The following WNK2 variants were observed in gnomAD, a reference collection of about 807,000 sequenced individuals.
The protein encoded by WNK2 is WNK lysine deficient protein kinase 2, also known as serine/threonine-protein kinase WNK2.
A neutral mutation model predicts 192.1 loss-of-function variants in WNK2; 67 were observed. That is an observed-to-expected ratio of 0.35 (90% CI 0.29 to 0.43). WNK2 has a LOEUF of 0.43. WNK2 is among the 20% of genes least tolerant of loss of function. The pLI is 1.00. For missense variants in WNK2, 2,698 were observed against 3,089.7 expected, an observed-to-expected ratio of 0.87 and a Z score of 3.01; for synonymous variants, 1,439 against 1,393.9, an observed-to-expected ratio of 1.03 and a Z score of -0.72.
chr9:93,233,563 C>T (rs376451921), intron 4 of WNK2, among the ~76,000 whole-genome samples: 1 of 151,250 alleles, frequency 6.6e-6, no homozygotes, highest in Non-Finnish European at 1.5e-5. Flanking sequence ...CCAGGCATGG[C>T]GGCAGACGCC....
At chr9:93,301,274 C>T (rs1032619687) in intron 26 of WNK2, among the ~76,000 whole-genome samples, 3 of 152,208 alleles carry the variant, frequency 2.0e-5, no homozygotes, top group African/African-American at 4.8e-5. Context: ...GTTTGGGGCA[C>T]GTGACTTTTT....
intron 9 of WNK2, among the ~76,000 whole-genome samples, chr9:93,255,557 T>G (rs1177368176): frequency 6.6e-6 from 1 of 152,154 alleles, no homozygotes; most frequent in Middle Eastern, 3.2e-3. Context: ...AGGGCAGTTT[T>G]GGGCATGCCA....
At chr9:93,296,169 A>T (rs1001061501) in intron 23 of WNK2, among the ~76,000 whole-genome samples, 4 of 15,226 alleles carry the variant, frequency 2.6e-4, no homozygotes, top group Non-Finnish European at 3.6e-4. Context: ...CCCTCCCCTC[A>T]CCATCCTCCC....
At chr9:93,262,244 C>A in intron 13 of WNK2, 137 bp downstream of exon 13, 1 of 1,070,332 alleles carries the variant, frequency 9.3e-7, no homozygotes, top group Non-Finnish European at 1.3e-6. Flanking sequence ...CTGTTCTCAC[C>A]TCTCCCTAGA....
intron 19 of WNK2, among the ~76,000 whole-genome samples, chr9:93,269,827 CT>C (rs1845772001): frequency 6.6e-6 from 1 of 152,000 alleles, no homozygotes; most frequent in Non-Finnish European, 1.5e-5. Context: ...TTGAGCTGGT[CT>C]TTTTTCTATT....
At chr9:93,319,522 C>T (rs1564257208) in intron 29 of WNK2, 1 of 590,008 alleles carries the variant, frequency 1.7e-6, no homozygotes, top group East Asian at 1.4e-4. Flanking sequence ...TTACACTTAG[C>T]AGTGCCACGG....
chr9:93,226,996 A>T (rs1485809020), intron 2 of WNK2, among the ~76,000 whole-genome samples: 1 of 152,080 alleles, frequency 6.6e-6, no homozygotes, highest in East Asian at 1.9e-4. Context: ...GTGGCTGGAC[A>T]CAGAGCAGGT....
At chr9:93,308,959 G>T in intron 28 of WNK2, 1 of 1,079,224 alleles carries the variant, frequency 9.3e-7, no homozygotes, top group Non-Finnish European at 1.1e-6. Context: ...CCAGGCTGGA[G>T]ACCAGGGCAG....
At chr9:93,318,029 T>G (rs1588680158) in intron 29 of WNK2, 1 of 1,612,662 alleles carries the variant, frequency 6.2e-7, no homozygotes. Flanking sequence ...CGCTCCTAGG[T>G]TCCTGTGGTC....
chr9:93,260,916 T>C (rs865936863), intron 12 of WNK2, among the ~76,000 whole-genome samples: 20 of 152,192 alleles, frequency 1.3e-4, no homozygotes, highest in African/African-American at 4.6e-4. Context: ...GAAGAGCCTT[T>C]CTGGGCACAG....
chr9:93,262,199 C>A (rs993835943), intron 13 of WNK2, 92 bp downstream of exon 13: 1 of 1,440,116 alleles, frequency 6.9e-7, no homozygotes, highest in South Asian at 1.5e-5. Context: ...TCCTAGAGGT[C>A]GGGGTTGCTT....
chr9:93,244,085 C>A (rs1005015094), intron 7 of WNK2, among the ~76,000 whole-genome samples: 3 of 152,182 alleles, frequency 2.0e-5, no homozygotes, highest in Admixed American at 6.5e-5. Context: ...CAGAGCGAGA[C>A]CCTGTCTCAA....
At chr9:93,313,423 T>A (rs1392342574) in intron 28 of WNK2, among the ~76,000 whole-genome samples, 1 of 152,026 alleles carries the variant, frequency 6.6e-6, no homozygotes, top group East Asian at 1.9e-4. Context: ...TTTCTGACTC[T>A]TTACCAAAAT....
chr9:93,259,879 C>T lies in WNK2; in HGVS notation c.3066+265C>T, dbSNP rs1283173451. ...TCCCTACCTTCCCATGGCTCTGTGG[C>T]CCCTGCTCTTGTGGTATCTTTGTAC... On this transcript the variant is annotated intron_variant, in intron 12 of 29. Transcript: ENST00000427277. The surrounding 1 kb of genome is among the most constrained non-coding windows in gnomAD (Gnocchi z 4.8). 6.6e-6 allele frequency among the ~76,000 whole-genome samples: 1 copy of T among 152,228 alleles called. No homozygotes were observed. The highest frequency in any genetic ancestry group is 1.5e-5 in the Non-Finnish European group (1 of 68,040).
At chr9:93,299,964 G>T (rs1384041556) in intron 25 of WNK2, 87 bp from the exon 26 acceptor site, 2 of 1,060,940 alleles carry the variant, frequency 1.9e-6, no homozygotes, top group Non-Finnish European at 2.9e-6. Flanking sequence ...GACGAGGCTG[G>T]TGTGGCTGTT....
chr9:93,224,488 G>A (rs895125434), intron 2 of WNK2, among the ~76,000 whole-genome samples: 2 of 152,208 alleles, frequency 1.3e-5, no homozygotes, highest in South Asian at 2.1e-4. Context: ...GGGAAGGGCC[G>A]TTGGGACCAA....
chr9:93,296,033 T>G (rs1357461224), intron 23 of WNK2, among the ~76,000 whole-genome samples: 2 of 43,636 alleles, frequency 4.6e-5, no homozygotes, highest in Non-Finnish European at 4.3e-5. Context: ...TCCTCCCCTC[T>G]CCATCATCCC....
chr9:93,188,041 G>C (rs2040093), intron 2 of WNK2, among the ~76,000 whole-genome samples: 70,164 of 151,610 alleles, frequency 0.46, 17,223 homozygotes, highest in East Asian at 0.56. Context: ...GCACATGACC[G>C]CTAGCATTCT....
intron 19 of WNK2, among the ~76,000 whole-genome samples, chr9:93,287,216 C>T (rs1366308832): frequency 6.6e-6 from 1 of 152,248 alleles, no homozygotes; most frequent in Admixed American, 6.5e-5. Context: ...CGCCATCACA[C>T]AGCCCTAGGG....
Sources: allele counts gnomAD v4.1 joint callset (sites outside exome capture counted in the v4.1 genomes callset), GRCh38; gene constraint gnomAD v4.1.1; non-coding constraint Gnocchi (gnomAD v3.1); transcripts MANE v1.5; gene names NCBI Gene and HGNC (gene_info 2026-07-23, HGNC 2026-07-21).